Variants in TRAPPC9 observed in about 807,000 individuals in gnomAD.
The protein encoded by TRAPPC9 is trafficking protein particle complex subunit 9, also known as IKK2 binding protein.
A neutral mutation model predicts 124.0 loss-of-function variants in TRAPPC9; 83 were observed. The ratio of observed to expected loss-of-function variants is 0.67; its 90% CI spans 0.56 to 0.80. The LOEUF is 0.80. TRAPPC9 is among the 30% of genes least tolerant of loss of function. The pLI, the probability that TRAPPC9 is intolerant of heterozygous loss-of-function variation, is 0.00. For missense variants in TRAPPC9, 1,302 were observed against 1,508.3 expected, an observed-to-expected ratio of 0.86 and a Z score of 2.27; for synonymous variants, 638 against 617.5, an observed-to-expected ratio of 1.03 and a Z score of -0.49.
intron 18 of TRAPPC9, among the ~76,000 whole-genome samples, chr8:140,014,629 C>G (rs1365399437): frequency 6.6e-6 from 1 of 152,132 alleles, no homozygotes; most frequent in East Asian, 1.9e-4. Context: ...TCCAAAGATA[C>G]GGCTCCTACA....
chr8:140,268,801 C>G (rs1035480962), intron 15 of TRAPPC9, among the ~76,000 whole-genome samples: 1 of 152,160 alleles, frequency 6.6e-6, no homozygotes, highest in South Asian at 2.1e-4. Flanking sequence ...CAAGGCATGA[C>G]GGGTGACTAC....
chr8:139,756,527 A>G (rs1586775880), intron 21 of TRAPPC9, among the ~76,000 whole-genome samples: 1 of 141,848 alleles, frequency 7.0e-6, no homozygotes, highest in African/African-American at 2.7e-5. Context: ...TGAGGACAGC[A>G]GGTCGCAGGA....
At chr8:139,739,279 C>T (rs1334699841) in intron 21 of TRAPPC9, among the ~76,000 whole-genome samples, 3 of 152,190 alleles carry the variant, frequency 2.0e-5, no homozygotes, top group African/African-American at 7.2e-5. Flanking sequence ...AGTTGGGCCT[C>T]TGCTCAGCCT....
At chr8:140,287,269 A>G (rs116129198) in intron 13 of TRAPPC9, among the ~76,000 whole-genome samples, 213 of 152,026 alleles carry the variant, frequency 1.4e-3, no homozygotes, top group African/African-American at 4.9e-3. Flanking sequence ...GCCCTCTGCA[A>G]AGGGGAGATT....
At chr8:140,119,939 C>A (rs867826523) in intron 17 of TRAPPC9, among the ~76,000 whole-genome samples, 9 of 152,192 alleles carry the variant, frequency 5.9e-5, no homozygotes, top group Admixed American at 2.6e-4. Flanking sequence ...CATCTCAGTA[C>A]CCTTGGCAAG....
At chr8:139,904,827 C>G (rs1303300627) in intron 20 of TRAPPC9, 2 of 152,274 alleles carry the variant, frequency 1.3e-5, no homozygotes, top group Non-Finnish European at 2.9e-5. Flanking sequence ...TCAGGTCACA[C>G]AGTCTCCCCT....
intron 17 of TRAPPC9, among the ~76,000 whole-genome samples, chr8:140,078,875 G>A (rs1039346337): frequency 4.6e-5 from 7 of 152,092 alleles, no homozygotes; most frequent in African/African-American, 1.7e-4. Flanking sequence ...CATTCCTAAA[G>A]CTGGATGGAT....
At chr8:140,370,687 C>T (rs971476415) in intron 8 of TRAPPC9, among the ~76,000 whole-genome samples, 3 of 152,146 alleles carry the variant, frequency 2.0e-5, no homozygotes, top group African/African-American at 4.8e-5. Flanking sequence ...TAGGTACTTC[C>T]ACTGTTTGAT....
In TRAPPC9 at chr8:140,457,729, G is replaced by A. The variant is rs1254657477; in HGVS notation, c.-101C>T. The A allele has an allele frequency of 6.0e-6, 6 of 995,782 alleles. No homozygotes were observed. The highest frequency in any genetic ancestry group is 5.2e-5 in the African/African-American group (3 of 57,428). 61.7% of individuals were successfully genotyped at this position (995,782 alleles called of 1,614,324 possible). A position where few individuals can be genotyped will look rare whatever the true frequency, so the allele number is the denominator to read the frequency against. On this transcript the variant is annotated 5_prime_UTR_variant, in exon 1 of 23. Transcript: ENST00000438773. ...TCTGCGGCCACTTCCCAGGCTCTGG[G>A]CTGGCGCTTCCTACTGGCGGCCGAG...
intron 18 of TRAPPC9, among the ~76,000 whole-genome samples, chr8:139,993,108 A>G (rs1231135634): frequency 1.3e-5 from 2 of 152,222 alleles, no homozygotes; most frequent in Non-Finnish European, 1.5e-5. Flanking sequence ...AAACCAAAGC[A>G]AAGACAAGCT....
At chr8:140,411,156 A>G (rs1165209896) in intron 5 of TRAPPC9, among the ~76,000 whole-genome samples, 1 of 152,182 alleles carries the variant, frequency 6.6e-6, no homozygotes, top group African/African-American at 2.4e-5. Flanking sequence ...GTTAGTTAGT[A>G]TGAACTTGAC....
chr8:139,852,399 T>C (rs1827539118), intron 21 of TRAPPC9, among the ~76,000 whole-genome samples: 1 of 152,212 alleles, frequency 6.6e-6, no homozygotes, highest in Admixed American at 6.5e-5. Context: ...CATGAATTCA[T>C]GGGTTGATGC....
chr8:140,357,228 G>A (rs1352875512), intron 9 of TRAPPC9, among the ~76,000 whole-genome samples: 4 of 152,148 alleles, frequency 2.6e-5, no homozygotes, highest in Non-Finnish European at 5.9e-5. Context: ...GGCCCAAGAG[G>A]AGTCACATGG....
intron 21 of TRAPPC9, among the ~76,000 whole-genome samples, chr8:139,844,924 A>G (rs763435027): frequency 4.6e-5 from 7 of 152,056 alleles, no homozygotes; most frequent in African/African-American, 7.2e-5. Flanking sequence ...CTCCCAGTTC[A>G]TCACCCCGTC....
chr8:140,167,062 A>G (rs899841617), intron 17 of TRAPPC9, among the ~76,000 whole-genome samples: 3 of 152,132 alleles, frequency 2.0e-5, no homozygotes, highest in African/African-American at 4.8e-5. Context: ...AGACAGGAGT[A>G]TTCACTGGCA....
intron 16 of TRAPPC9, among the ~76,000 whole-genome samples, chr8:140,222,781 G>A (rs1173386428): frequency 5.3e-5 from 8 of 152,322 alleles, no homozygotes; most frequent in Non-Finnish European, 8.8e-5. Flanking sequence ...GCTGGCATGC[G>A]GGAGAAGTCT....
At chr8:139,880,025 A>G (rs1189401884) in intron 21 of TRAPPC9, among the ~76,000 whole-genome samples, 2 of 152,170 alleles carry the variant, frequency 1.3e-5, no homozygotes, top group African/African-American at 2.4e-5. Context: ...GGCCTGAACT[A>G]TAAGTCACAG....
At chr8:140,412,380 G>A (rs926549365) in intron 5 of TRAPPC9, among the ~76,000 whole-genome samples, 1 of 152,208 alleles carries the variant, frequency 6.6e-6, no homozygotes, top group Non-Finnish European at 1.5e-5. Context: ...AACACTAAAT[G>A]CCGTGTGTGA....
intron 21 of TRAPPC9, among the ~76,000 whole-genome samples, chr8:139,797,719 A>AG (rs1823200592): frequency 6.6e-6 from 1 of 152,056 alleles, no homozygotes; most frequent in Non-Finnish European, 1.5e-5. Context: ...TTGCATAAGG[A>AG]TCTCTGGTTA....
Sources: gnomAD v4.1 joint callset for allele counts (sites outside exome capture counted in the v4.1 genomes callset) on GRCh38, gnomAD v4.1.1 for gene constraint, MANE v1.5 for transcripts, NCBI Gene and HGNC (gene_info 2026-07-23, HGNC 2026-07-21) for gene names.